The following CDCA2 variants were observed in gnomAD, a reference collection of about 807,000 sequenced individuals.
CDCA2 encodes cell division cycle-associated protein 2.
A neutral mutation model predicts 67.0 loss-of-function variants in CDCA2; 44 were observed. The ratio of observed to expected loss-of-function variants is 0.66; its 90% CI spans 0.52 to 0.84. CDCA2 has a LOEUF of 0.84. Ranked by LOEUF, CDCA2 falls within the 40% of genes least tolerant of loss-of-function variation. The pLI is 0.00. For synonymous variants in CDCA2, 447 were observed against 418.7 expected (o/e 1.07, Z -0.82); for missense variants, 1,253 against 1,203.2 (o/e 1.04, Z -0.61).
At chr8:25,478,470 T>C (rs555272360) in intron 7 of CDCA2, among the ~76,000 whole-genome samples, 1 of 152,280 alleles carries the variant, frequency 6.6e-6, no homozygotes, top group South Asian at 2.1e-4. Flanking sequence ...GGTTTTAAAA[T>C]GTAAGTCACA....
In CDCA2 at chr8:25,507,178, G is replaced by A; in HGVS notation, c.2512G>A (p.Asp838Asn). ...TAGAAGACGTTCCATGTGTTATTCT[G>A]ATGGTCGAAGTTTACATTTGGAAAA... ...KDRRRSMCYS[D>N]GRSLHLEKNG... The change falls in exon 15 of 15, where the codon GAT becomes AAT. Residue 838 changes from aspartate (D) to asparagine (N), a missense_variant. Transcript: ENST00000330560. 6.2e-7 allele frequency: 1 copy of A among 1,614,194 alleles called. No homozygotes were observed.
chr8:25,483,883 C>T (rs1803662137), intron 9 of CDCA2, 83 bp from the exon 10 acceptor site: 3 of 1,184,850 alleles, frequency 2.5e-6, no homozygotes, highest in Non-Finnish European at 2.4e-6. Context: ...AATATTATCA[C>T]ATTAAAAGAT....
At chr8:25,471,632 G>C (rs1040326566) in intron 7 of CDCA2, among the ~76,000 whole-genome samples, 5 of 152,126 alleles carry the variant, frequency 3.3e-5, no homozygotes, top group African/African-American at 1.2e-4. Flanking sequence ...AAAGTGCTGG[G>C]ATTTGCCACC....
intron 7 of CDCA2, among the ~76,000 whole-genome samples, chr8:25,479,285 TC>T (rs796799095): frequency 4.6e-5 from 7 of 152,274 alleles, no homozygotes; most frequent in African/African-American, 1.7e-4. Context: ...CCCTGCTTAT[TC>T]CGTGCTGGTT....
chr8:25,484,669 G>A (rs1229148628), intron 10 of CDCA2, among the ~76,000 whole-genome samples: 1 of 147,424 alleles, frequency 6.8e-6, no homozygotes, highest in African/African-American at 2.5e-5. Flanking sequence ...ATGGCTCACT[G>A]CAGCCTCAAC....
intron 14 of CDCA2, among the ~76,000 whole-genome samples, chr8:25,506,187 G>A (rs1347764200): frequency 6.6e-6 from 1 of 152,212 alleles, no homozygotes; most frequent in African/African-American, 2.4e-5. Flanking sequence ...AAATGTCACT[G>A]CCTCATACTC....
chr8:25,464,693 G>T lies in CDCA2; in HGVS notation c.388-1482G>T, dbSNP rs577317146. ...AGGATATTAAATCTGCCCCTACCATGTTCAAATATGTGTGCAAAAAAAGCA... is the reference window on the plus strand; with the variant it reads ...AGGATATTAAATCTGCCCCTACCATTTTCAAATATGTGTGCAAAAAAAGCA... On this transcript the variant is annotated intron_variant, in intron 4 of 14. Coordinates refer to ENST00000330560, the MANE Select transcript of CDCA2 (RefSeq NM_152562.4). Among the ~76,000 whole-genome samples the T allele has an allele frequency of 2.0e-5, 3 of 152,222 alleles. No homozygotes were observed. The East Asian group carries it at 5.8e-4, about 29-fold the overall frequency.
At chr8:25,501,225 G>A (rs1458093476) in intron 13 of CDCA2, among the ~76,000 whole-genome samples, 4 of 152,154 alleles carry the variant, frequency 2.6e-5, no homozygotes, top group Admixed American at 1.3e-4. Context: ...CATTCATCTT[G>A]TACAGTTCTA....
intron 4 of CDCA2, among the ~76,000 whole-genome samples, chr8:25,465,968 T>C (rs1026037945): frequency 2.6e-5 from 4 of 152,208 alleles, no homozygotes; most frequent in Admixed American, 2.6e-4. Flanking sequence ...TAGGCTGGCC[T>C]CTCAACATTT....
At chr8:25,465,699 T>C (rs947692084) in intron 4 of CDCA2, among the ~76,000 whole-genome samples, 1 of 152,176 alleles carries the variant, frequency 6.6e-6, no homozygotes, top group African/African-American at 2.4e-5. Flanking sequence ...GTGTAGTATC[T>C]GAGCATGTAT....
chr8:25,487,172 A>T lies in CDCA2; in HGVS notation c.1445-74A>T, dbSNP rs1427057463. 9.1e-6 allele frequency: 8 copies of T among 878,638 alleles called. No individual in the cohort carries two copies. The African/African-American group carries it at 1.3e-4, about 15-fold the overall frequency. 54.4% of individuals were successfully genotyped at this position (878,638 alleles called of 1,614,324 possible). On this transcript the variant is annotated intron_variant, in intron 11 of 14. Coordinates refer to ENST00000330560, the MANE Select transcript of CDCA2 (RefSeq NM_152562.4). ...TATTAAAGGTGGATATCCTAAACAC[A>T]GTGTTTCCAAAGGAAGATGTATGTT...
intron 14 of CDCA2, 44 bp from the exon 15 acceptor site, chr8:25,506,466 T>C: frequency 9.5e-6 from 14 of 1,471,498 alleles, no homozygotes; most frequent in Non-Finnish European, 1.2e-5. Flanking sequence ...TTCATTCCCA[T>C]TGTTACTTTT....
At chr8:25,498,638 T>C (rs1463678747) in intron 13 of CDCA2, among the ~76,000 whole-genome samples, 1 of 152,062 alleles carries the variant, frequency 6.6e-6, no homozygotes, top group Admixed American at 6.6e-5. Flanking sequence ...GAAACCATAG[T>C]TCAGGGTCGC....
rs1803511688 is a variant in CDCA2, at chr8:25,480,126, TAAG to T, written c.1032+7_1032+9del. ...AAGATGTGTCTAGAGAGCTTACAGG[TAAG>T]AAGAGAGTTAAATTTCCTAAAGCAA... is the stretch of plus-strand genomic sequence containing the variant. On this transcript the variant is annotated splice_donor_5th_base_variant and intron_variant, in intron 8 of 14. Coordinates refer to ENST00000330560, the MANE Select transcript of CDCA2 (RefSeq NM_152562.4). 6.2e-7 allele frequency: 1 copy of T among 1,608,592 alleles called. No individual in the cohort carries two copies. The highest frequency in any genetic ancestry group is 8.5e-7 in the Non-Finnish European group (1 of 1,176,330).
At chr8:25,479,807 A>G in intron 7 of CDCA2, 106 bp from the exon 8 acceptor site, 5 of 1,052,586 alleles carry the variant, frequency 4.8e-6, no homozygotes, top group Non-Finnish European at 7.1e-6. Context: ...TTAGGTTTGA[A>G]TTTCTTCATA....
At chr8:25,473,229 A>G (rs1025738199) in intron 7 of CDCA2, among the ~76,000 whole-genome samples, 19 of 152,142 alleles carry the variant, frequency 1.2e-4, no homozygotes, top group African/African-American at 3.6e-4. Context: ...GTGTATATAT[A>G]CCACGTTTTC....
In CDCA2 at chr8:25,469,077, C is replaced by T. The variant is rs555146201; in HGVS notation, c.735+664C>T. Among the ~76,000 whole-genome samples, 19 of 152,332 alleles carry T rather than the reference C, an allele frequency of 1.2e-4. No homozygotes were observed. In the South Asian group the frequency reaches 2.1e-3, roughly 17 times the overall value. The stretch of plus-strand genomic sequence containing the variant: ...ACGCGTGAATGGAGAGCTGGTCTCT[C>T]GTGACGGACTTTTCTTACTTCATGC... On this transcript the variant is annotated intron_variant, in intron 6 of 14. Transcript: ENST00000330560.
At chr8:25,465,220 C>T (rs560715884) in intron 4 of CDCA2, among the ~76,000 whole-genome samples, 4 of 152,318 alleles carry the variant, frequency 2.6e-5, no homozygotes, top group African/African-American at 9.6e-5. Context: ...GTGATCCTCC[C>T]ACCTTGGCCT....
rs972786057 is a variant in CDCA2 at position 25,507,185 on chromosome 8, G to A, written c.2519G>A (p.Arg840Gln). ...RRRSMCYSDG[R>Q]SLHLEKNGNH... ...CGTTCCATGTGTTATTCTGATGGTC[G>A]AAGTTTACATTTGGAAAAAAATGGA... Residue 840 changes from arginine (R) to glutamine (Q), a missense_variant, in exon 15 of 15, where the codon CGA becomes CAA. Coordinates refer to ENST00000330560, the MANE Select transcript of CDCA2 (RefSeq NM_152562.4). 4.3e-6 allele frequency: 7 copies of A among 1,614,130 alleles called. No homozygotes were observed. Among genetic ancestry groups the A allele is most frequent in the Non-Finnish European group, 5.9e-6 (7 of 1,180,012 alleles).
Sources: allele counts gnomAD v4.1 joint callset (sites outside exome capture counted in the v4.1 genomes callset), GRCh38; gene constraint gnomAD v4.1.1; transcripts MANE v1.5; gene names NCBI Gene and HGNC (gene_info 2026-07-23, HGNC 2026-07-21).